M1AP: variants seen among roughly 807,000 people sequenced by gnomAD.
M1AP encodes meiosis 1 arrest protein.
A neutral mutation model predicts 51.2 loss-of-function variants in M1AP; 39 were observed. The ratio of observed to expected loss-of-function variants is 0.76; its 90% CI spans 0.59 to 1.00. The LOEUF (loss-of-function observed/expected upper bound fraction) is 1.00. M1AP is among the 50% of genes least tolerant of loss of function. M1AP has a pLI of 0.00. For missense variants in M1AP, 545 were observed against 641.2 expected (o/e 0.85, Z 1.62); for synonymous variants, 251 against 249.2 (o/e 1.01, Z -0.07).
chr2:74,647,452 G>A (rs1683676123), intron 1 of M1AP: 1 of 934,694 alleles, frequency 1.1e-6, no homozygotes, highest in African/African-American at 1.8e-5. Flanking sequence ...AGGCACTTTC[G>A]TCTTCGTGGA....
At chr2:74,638,474 A>G (rs974269033) in intron 2 of M1AP, among the ~76,000 whole-genome samples, 2 of 152,136 alleles carry the variant, frequency 1.3e-5, no homozygotes, top group Admixed American at 6.5e-5. Flanking sequence ...TCTAGGGTGG[A>G]ACAGTGACTT....
intron 1 of M1AP, chr2:74,647,359 A>G: frequency 3.0e-6 from 3 of 985,294 alleles, no homozygotes; most frequent in Non-Finnish European, 3.6e-6. Context: ...CCCCTTTACA[A>G]GCCCTCATTC....
At chr2:74,600,748 T>A (rs1222958684) in intron 4 of M1AP, among the ~76,000 whole-genome samples, 1 of 152,182 alleles carries the variant, frequency 6.6e-6, no homozygotes, top group Non-Finnish European at 1.5e-5. Context: ...TAATATTATG[T>A]TACATGAAAA....
intron 4 of M1AP, among the ~76,000 whole-genome samples, chr2:74,588,827 GAA>G (rs1679868740): frequency 6.6e-6 from 1 of 152,186 alleles, no homozygotes; most frequent in Non-Finnish European, 1.5e-5. Flanking sequence ...CAGAGAGAGA[GAA>G]CTGTTGTCAT....
intron 4 of M1AP, among the ~76,000 whole-genome samples, chr2:74,593,665 G>A (rs142381942): frequency 2.2e-3 from 329 of 152,344 alleles, no homozygotes; most frequent in African/African-American, 7.1e-3. Flanking sequence ...ACAGGTGTGA[G>A]CCACCATGCC....
At chr2:74,614,152 T>C (rs545824956) in intron 3 of M1AP, among the ~76,000 whole-genome samples, 56 of 152,316 alleles carry the variant, frequency 3.7e-4, no homozygotes, top group African/African-American at 1.3e-3. Flanking sequence ...TTTCCTACTC[T>C]AGCACTGGTT....
rs75533587 is a variant in M1AP, at chr2:74,619,403, T to A, written c.241-4254A>T. 7.5e-3 allele frequency: 1,308 copies of A among 174,748 alleles called. 21 individuals are homozygous for A. The highest frequency in any genetic ancestry group is 0.029 in the African/African-American group (1,236 of 42,540). 10.8% of individuals were successfully genotyped at this position (174,748 alleles called of 1,614,324 possible). A position where few individuals can be genotyped will look rare whatever the true frequency, so the allele number is the denominator to read the frequency against. On this transcript the variant is annotated intron_variant, in intron 2 of 10. Transcript: ENST00000421985. The stretch of plus-strand genomic sequence containing the variant: ...CTGGTCCTAGACCAACCATAAAAGA[T>A]GAAATGGGATGGGGAGGCTCAAAGG...
chr2:74,581,441 C>T lies in M1AP; in HGVS notation c.769+233G>A, dbSNP rs537707816. Among the ~76,000 whole-genome samples, 7 of 152,262 alleles carry T rather than the reference C, an allele frequency of 4.6e-5. No individual in the cohort carries two copies. The South Asian group carries it at 1.5e-3, about 32-fold the overall frequency. Reference sequence around the variant, plus strand: ...TCATTGAGGTGTCTCAGACTTTGCCCCTAAACTAACTGGCCCTTGCTGGTT... The same window carrying T: ...TCATTGAGGTGTCTCAGACTTTGCCTCTAAACTAACTGGCCCTTGCTGGTT... On this transcript the variant is annotated intron_variant, in intron 5 of 10. Coordinates refer to ENST00000421985, the MANE Select transcript of M1AP (RefSeq NM_001321739.2).
intron 2 of M1AP, among the ~76,000 whole-genome samples, chr2:74,626,898 G>A (rs1033624680): frequency 5.9e-5 from 9 of 151,952 alleles, no homozygotes; most frequent in African/African-American, 1.9e-4. Flanking sequence ...GTATCACATC[G>A]TTTTGAATAT....
At chr2:74,644,537 CAA>C (rs60145444) in intron 1 of M1AP, among the ~76,000 whole-genome samples, 48 of 82,954 alleles carry the variant, frequency 5.8e-4, no homozygotes, top group Admixed American at 7.9e-4. Context: ...GACCCCGTCT[CAA>C]AAAAAAAAAA....
chr2:74,573,817 G>A (rs557339127), intron 7 of M1AP, among the ~76,000 whole-genome samples: 10 of 152,044 alleles, frequency 6.6e-5, no homozygotes, highest in East Asian at 1.9e-4. Flanking sequence ...ATCATTTTCC[G>A]GAAAATTTAC....
chr2:74,592,144 T>C (rs1573109571), intron 4 of M1AP, among the ~76,000 whole-genome samples: 1 of 152,172 alleles, frequency 6.6e-6, no homozygotes, highest in African/African-American at 2.4e-5. Context: ...GACTGTATAA[T>C]AGCTTTGCAA....
chr2:74,639,971 T>C, intron 2 of M1AP, 65 bp downstream of exon 2: 1 of 1,385,182 alleles, frequency 7.2e-7, no homozygotes, highest in Non-Finnish European at 1.0e-6. Flanking sequence ...CTGTGATCTC[T>C]ATTCCAGAAA....
intron 4 of M1AP, among the ~76,000 whole-genome samples, chr2:74,591,954 TTTTTA>T (rs897696892): frequency 1.5e-4 from 23 of 152,066 alleles, no homozygotes; most frequent in Admixed American, 5.9e-4. Context: ...CCTGGCTAAC[TTTTTA>T]TTTTATTTTA....
intron 4 of M1AP, among the ~76,000 whole-genome samples, chr2:74,584,184 C>T (rs767241145): frequency 1.3e-5 from 2 of 151,946 alleles, no homozygotes; most frequent in African/African-American, 2.4e-5. Context: ...ACAGGCAAAA[C>T]AAGGAGTAAT....
chr2:74,603,029 C>T (rs1157834082), intron 4 of M1AP, among the ~76,000 whole-genome samples: 1 of 152,060 alleles, frequency 6.6e-6, no homozygotes, highest in Non-Finnish European at 1.5e-5. Flanking sequence ...CTGTCACTGG[C>T]CAAAGAGAGA....
Position 74,558,853 on chromosome 2 carries a change from G to C in M1AP, c.1456C>G (p.Arg486Gly), listed in dbSNP as rs781778476. The C allele has an allele frequency of 1.3e-6, 2 of 1,599,854 alleles. No individual in the cohort carries two copies. Among genetic ancestry groups the C allele is most frequent in the East Asian group, 4.6e-5 (2 of 43,936 alleles). ...PCKTGQLQTN[R>G]ARATVAPLPM... ...AGGGGGGCCACAGTAGCTCGAGCTC[G>C]GTTGGTCTGCAACTGCCCAGTCTGC... is the stretch of plus-strand genomic sequence containing the variant. Residue 486 changes from arginine to glycine, a missense_variant, in exon 11 of 11, where the codon CGA (arginine) becomes GGA (glycine). Physicochemically the swap from Arg to Gly is moderately radical, Grantham distance 125. Transcript: ENST00000421985.
At chr2:74,563,022 G>T (rs1029366268) in intron 7 of M1AP, among the ~76,000 whole-genome samples, 1 of 152,138 alleles carries the variant, frequency 6.6e-6, no homozygotes, top group Non-Finnish European at 1.5e-5. Context: ...AAGTCTGGTT[G>T]TTTGCTAACA....
intron 3 of M1AP, 106 bp from the exon 4 acceptor site, chr2:74,607,329 T>C (rs1210984993): frequency 3.5e-6 from 4 of 1,137,252 alleles, no homozygotes; most frequent in Non-Finnish European, 5.1e-6. Flanking sequence ...TCTGTGGTGG[T>C]GGCTATTATG....
Sources: allele counts gnomAD v4.1 joint callset (sites outside exome capture counted in the v4.1 genomes callset), GRCh38; gene constraint gnomAD v4.1.1; transcripts MANE v1.5; gene names NCBI Gene and HGNC (gene_info 2026-07-23, HGNC 2026-07-21).